OXR1: variants seen among roughly 807,000 people sequenced by gnomAD.
OXR1 encodes oxidation resistance protein 1.
In OXR1, 41 loss-of-function variants were observed where a neutral mutation model predicts 104.6. The ratio of observed to expected loss-of-function variants is 0.39; its 90% CI spans 0.31 to 0.51. OXR1 has a LOEUF of 0.51. Ranked by LOEUF, OXR1 falls within the 20% of genes least tolerant of loss-of-function variation. The pLI is 0.77. For synonymous variants in OXR1, 348 were observed against 348.4 expected, an observed-to-expected ratio of 1.00 and a Z score of 0.01; for missense variants, 955 against 1,031.9, an observed-to-expected ratio of 0.93 and a Z score of 1.02.
At chr8:106,367,131 C>T (rs552858526) in intron 2 of OXR1, among the ~76,000 whole-genome samples, 23 of 149,556 alleles carry the variant, frequency 1.5e-4, no homozygotes, top group African/African-American at 5.4e-4. Context: ...GGTGCGATCT[C>T]GGCTCACTGC....
chr8:106,423,687 T>A (rs1376553228), intron 2 of OXR1, among the ~76,000 whole-genome samples: 1 of 152,166 alleles, frequency 6.6e-6, no homozygotes, highest in African/African-American at 2.4e-5. Flanking sequence ...TTGGTTTTGA[T>A]TTGTGCACGT....
intron 3 of OXR1, among the ~76,000 whole-genome samples, chr8:106,670,733 A>G (rs1415680700): frequency 1.3e-5 from 2 of 152,166 alleles, no homozygotes; most frequent in African/African-American, 4.8e-5. Context: ...AGGAAAATAT[A>G]GGAGAAGGTA....
chr8:106,574,190 T>A (rs1310552435), intron 3 of OXR1, among the ~76,000 whole-genome samples: 1 of 152,050 alleles, frequency 6.6e-6, no homozygotes, highest in Non-Finnish European at 1.5e-5. Flanking sequence ...GGATACTAAT[T>A]TGCTCCTATA....
At chr8:106,413,104 A>ATTT (rs1373142224) in intron 2 of OXR1, among the ~76,000 whole-genome samples, 1 of 150,346 alleles carries the variant, frequency 6.7e-6, no homozygotes, top group African/African-American at 2.5e-5. Context: ...CATTGCCCTC[A>ATTT]TTTAATTTTT....
rs143363647 is a variant in OXR1 at position 106,383,454 on chromosome 8, T to G, written c.23+23818T>G. On this transcript the variant is annotated intron_variant, in intron 2 of 16. Transcript: ENST00000517566. ...TGAAGCATCGCCTGTAAGCCAGATG[T>G]GTGCCCTTGTCATTGCCTCATTTGA... Among the ~76,000 whole-genome samples the G allele has an allele frequency of 5.3e-5, 8 of 152,334 alleles. No homozygotes were observed. The East Asian group carries it at 1.5e-3, about 29-fold the overall frequency.
At chr8:106,390,484 A>G (rs1210335955) in intron 2 of OXR1, among the ~76,000 whole-genome samples, 1 of 152,218 alleles carries the variant, frequency 6.6e-6, no homozygotes, top group Non-Finnish European at 1.5e-5. Flanking sequence ...AACTGTTATT[A>G]TCGCCTACTT....
intron 1 of OXR1, among the ~76,000 whole-genome samples, chr8:106,307,815 C>A (rs1406918581): frequency 6.6e-6 from 1 of 152,118 alleles, no homozygotes; most frequent in East Asian, 1.9e-4. Flanking sequence ...GTAGACAGAT[C>A]TCAAGATGTT....
intron 3 of OXR1, among the ~76,000 whole-genome samples, chr8:106,580,199 T>G (rs574607358): frequency 6.6e-6 from 1 of 152,316 alleles, no homozygotes; most frequent in Admixed American, 6.5e-5. Flanking sequence ...TCTCCAGAAC[T>G]GTTTTGGTTT....
At chr8:106,515,287 A>G (rs918743034) in intron 2 of OXR1, among the ~76,000 whole-genome samples, 1 of 152,128 alleles carries the variant, frequency 6.6e-6, no homozygotes, top group African/African-American at 2.4e-5. Flanking sequence ...TAACATATGC[A>G]TTACCTCACA....
chr8:106,416,691 G>A (rs1158753949), intron 2 of OXR1, among the ~76,000 whole-genome samples: 2 of 151,996 alleles, frequency 1.3e-5, no homozygotes, highest in East Asian at 1.9e-4. Flanking sequence ...TGTATTCATG[G>A]GAAAGATCCA....
At chr8:106,536,013 A>G (rs906016309) in intron 3 of OXR1, among the ~76,000 whole-genome samples, 4 of 151,962 alleles carry the variant, frequency 2.6e-5, no homozygotes, top group Non-Finnish European at 5.9e-5. Context: ...GAGGTCAGGA[A>G]ATCGAGACCA....
At chr8:106,673,318 A>G (rs1296458186) in intron 3 of OXR1, among the ~76,000 whole-genome samples, 1 of 152,162 alleles carries the variant, frequency 6.6e-6, no homozygotes, top group Non-Finnish European at 1.5e-5. Flanking sequence ...CCCCTGCCCT[A>G]GAGATATATA....
intron 1 of OXR1, among the ~76,000 whole-genome samples, chr8:106,328,515 T>G (rs1235216876): frequency 1.3e-5 from 2 of 152,212 alleles, no homozygotes; most frequent in Non-Finnish European, 2.9e-5. Context: ...AAAAATAAAT[T>G]TAATAAGCAA....
intron 3 of OXR1, among the ~76,000 whole-genome samples, chr8:106,602,981 C>T (rs545213959): frequency 2.0e-5 from 3 of 152,240 alleles, no homozygotes; most frequent in African/African-American, 7.2e-5. Flanking sequence ...TTACATTCCT[C>T]ATAATGGTAT....
chr8:106,661,437 T>C (rs1825755705), intron 3 of OXR1, among the ~76,000 whole-genome samples: 1 of 152,196 alleles, frequency 6.6e-6, no homozygotes, highest in African/African-American at 2.4e-5. Context: ...AAAGGAAACA[T>C]CTTAAAATAC....
At chr8:106,504,136 C>G (rs968241799) in intron 2 of OXR1, among the ~76,000 whole-genome samples, 1 of 152,116 alleles carries the variant, frequency 6.6e-6, no homozygotes, top group African/African-American at 2.4e-5. Flanking sequence ...AAGACCTGTT[C>G]CCTCGTTGGG....
At chr8:106,398,640 C>A (rs898423238) in intron 2 of OXR1, among the ~76,000 whole-genome samples, 5 of 152,116 alleles carry the variant, frequency 3.3e-5, no homozygotes, top group African/African-American at 1.2e-4. Flanking sequence ...TGGCTCTCAG[C>A]AAATTTAGTT....
At chr8:106,398,441 C>G (rs1037378194) in intron 2 of OXR1, among the ~76,000 whole-genome samples, 1 of 152,128 alleles carries the variant, frequency 6.6e-6, no homozygotes, top group East Asian at 1.9e-4. Context: ...GCCCCATGCA[C>G]TCAAGGAGAA....
Position 106,282,151 on chromosome 8 carries a change from G to T in OXR1, c.-139+11784G>T, listed in dbSNP as rs932087109. 2.4e-4 allele frequency among the ~76,000 whole-genome samples: 37 copies of T among 152,116 alleles called. 1 individual carries two copies. Among genetic ancestry groups the T allele is most frequent in the Non-Finnish European group, 3.5e-4 (24 of 68,014 alleles). ...AACCTGTAGCTCACTGACATGGATA[G>T]AATTCAGTTAATTCACAAACCTGGA... On this transcript the variant is annotated intron_variant, in intron 1 of 16. Transcript: ENST00000517566.
Sources: gnomAD v4.1 joint callset for allele counts (sites outside exome capture counted in the v4.1 genomes callset) on GRCh38, gnomAD v4.1.1 for gene constraint, MANE v1.5 for transcripts, NCBI Gene and HGNC (gene_info 2026-07-23, HGNC 2026-07-21) for gene names.